Variants in MTMR12 observed in about 807,000 individuals in gnomAD.
MTMR12 encodes the protein myotubularin related protein 12.
MTMR12 carries 33 observed loss-of-function variants against 96.7 expected under a neutral mutation model. The observed-to-expected ratio is 0.34, with a 90% confidence interval of 0.26 to 0.46. The LOEUF (loss-of-function observed/expected upper bound fraction) is 0.46, where lower values mean the gene tolerates loss of function less well. MTMR12 is among the 20% of genes least tolerant of loss of function. MTMR12 has a pLI of 1.00. For missense variants in MTMR12, 721 were observed against 896.1 expected (o/e 0.80, Z 2.49); for synonymous variants, 298 against 327.2 (o/e 0.91, Z 0.96).
chr5:32,267,003 C>T (rs1749625458), intron 6 of MTMR12, among the ~76,000 whole-genome samples: 1 of 151,956 alleles, frequency 6.6e-6, no homozygotes, highest in Non-Finnish European at 1.5e-5. Context: ...TTGCTTGAAC[C>T]TGGGAGGCAG....
At chr5:32,248,960 C>T in intron 8 of MTMR12, 82 bp from the exon 9 acceptor site, 2 of 1,048,914 alleles carry the variant, frequency 1.9e-6, no homozygotes, top group South Asian at 2.6e-5. Flanking sequence ...TAAATGCATA[C>T]AGGGAAATCT....
chr5:32,244,973 C>T (rs1474246622), intron 10 of MTMR12, among the ~76,000 whole-genome samples: 2 of 152,070 alleles, frequency 1.3e-5, no homozygotes, highest in Non-Finnish European at 2.9e-5. Context: ...TTAACCATGT[C>T]ATTGCAGTCT....
intron 6 of MTMR12, among the ~76,000 whole-genome samples, chr5:32,265,891 T>C (rs1185086378): frequency 6.6e-6 from 1 of 152,214 alleles, no homozygotes; most frequent in Non-Finnish European, 1.5e-5. Context: ...CAGAGTTAAG[T>C]GTCATCCCCA....
At chr5:32,259,384 CTG>C (rs143209576) in intron 7 of MTMR12, among the ~76,000 whole-genome samples, 2,133 of 152,168 alleles carry the variant, frequency 0.014, 54 homozygotes, top group African/African-American at 0.049. Flanking sequence ...AGGAAGAGAC[CTG>C]TGGTACCAGA....
chr5:32,242,136 G>C lies in MTMR12; in HGVS notation c.1101-9C>G. On this transcript the variant is annotated splice_polypyrimidine_tract_variant and intron_variant, in intron 11 of 15. Coordinates refer to ENST00000382142, the MANE Select transcript of MTMR12 (RefSeq NM_001040446.3). ...CTTTTTTCAGGCAACGTCTGAATAG[G>C]AAAGAGACAAGAAAAAGGGGCATTA... The C allele has an allele frequency of 6.2e-7, 1 of 1,604,162 alleles. No homozygotes were observed. Among genetic ancestry groups the C allele is most frequent in the Non-Finnish European group, 8.5e-7 (1 of 1,172,452 alleles).
chr5:32,252,283 G>C (rs893955302), intron 8 of MTMR12, among the ~76,000 whole-genome samples: 1 of 152,190 alleles, frequency 6.6e-6, no homozygotes, highest in Non-Finnish European at 1.5e-5. Context: ...GAAATGTTCT[G>C]GAACAAACTG....
intron 1 of MTMR12, among the ~76,000 whole-genome samples, chr5:32,292,959 TTATCA>T (rs1750789904): frequency 1.3e-5 from 2 of 152,254 alleles, no homozygotes; most frequent in Non-Finnish European, 2.9e-5. Context: ...TCCTTTTCCT[TTATCA>T]TATAAGATTT....
intron 1 of MTMR12, among the ~76,000 whole-genome samples, chr5:32,280,919 C>T (rs999100078): frequency 1.3e-5 from 2 of 151,704 alleles, no homozygotes; most frequent in African/African-American, 2.4e-5. Flanking sequence ...TGCTTGATTT[C>T]CTTTCATGAG....
intron 11 of MTMR12, 107 bp from the exon 12 acceptor site, chr5:32,242,234 ATTTT>A: frequency 1.9e-6 from 1 of 535,040 alleles, no homozygotes; most frequent in Non-Finnish European, 3.0e-6. Context: ...CTTCTCTCTT[ATTTT>A]TTTTTTTTCC....
intron 1 of MTMR12, among the ~76,000 whole-genome samples, chr5:32,311,025 C>T (rs2052561): frequency 0.28 from 42,967 of 151,796 alleles, 6,310 homozygotes; most frequent in East Asian, 0.42. Flanking sequence ...AGGTGCGCAC[C>T]ACCATGCCTG....
chr5:32,309,951 G>T (rs936436001), intron 1 of MTMR12, among the ~76,000 whole-genome samples: 1 of 152,120 alleles, frequency 6.6e-6, no homozygotes, highest in African/African-American at 2.4e-5. Flanking sequence ...CAGTACGGAG[G>T]TTCCTCAAAA....
At chr5:32,250,766 A>G (rs142589307) in intron 8 of MTMR12, among the ~76,000 whole-genome samples, 351 of 152,308 alleles carry the variant, frequency 2.3e-3, no homozygotes, top group African/African-American at 8.2e-3. Context: ...GGCACATGTA[A>G]TAACTCCTAA....
intron 8 of MTMR12, among the ~76,000 whole-genome samples, chr5:32,250,841 CA>C (rs2112027274): frequency 6.6e-6 from 1 of 152,226 alleles, no homozygotes; most frequent in Admixed American, 6.5e-5. Flanking sequence ...CTGCGTGAAA[CA>C]GTAAATAGAA....
rs1749851258 is a variant in MTMR12 at position 32,271,912 on chromosome 5, G to T, written c.286-7C>A. 2 of 1,496,578 alleles carry T rather than the reference G, an allele frequency of 1.3e-6. No homozygotes were observed. Among genetic ancestry groups the T allele is most frequent in the Non-Finnish European group, 1.8e-6 (2 of 1,091,512 alleles). 92.7% of individuals were successfully genotyped at this position (1,496,578 alleles called of 1,614,324 possible). Reference sequence around the variant, plus strand: ...TATTCTTAAATTGAGTTTCCTAGAAGATTCAAAAGGAAACAACTGTGACTC... The same window carrying T: ...TATTCTTAAATTGAGTTTCCTAGAATATTCAAAAGGAAACAACTGTGACTC... On this transcript the variant is annotated splice_polypyrimidine_tract_variant and splice_region_variant and intron_variant, in intron 3 of 15. Coordinates refer to ENST00000382142, the MANE Select transcript of MTMR12 (RefSeq NM_001040446.3).
At chr5:32,302,768 C>T (rs767939325) in intron 1 of MTMR12, among the ~76,000 whole-genome samples, 19 of 150,216 alleles carry the variant, frequency 1.3e-4, no homozygotes, top group Non-Finnish European at 2.4e-4. Flanking sequence ...AATAAGTCCA[C>T]ACAATGAAAC....
At chr5:32,250,543 C>A (rs1002141522) in intron 8 of MTMR12, among the ~76,000 whole-genome samples, 5 of 152,198 alleles carry the variant, frequency 3.3e-5, no homozygotes, top group Non-Finnish European at 5.9e-5. Context: ...CAGCTCTCTG[C>A]CTAAGGTGGT....
At position 32,263,043 on chromosome 5, in the gene MTMR12, A is replaced by C. The variant is rs1749429939; in HGVS notation, c.713+70T>G. ...TGGTGATGACTGCACAACCCTGTGA[A>C]TATACTAAAAAACACTGTACACTTT... On this transcript the variant is annotated intron_variant, in intron 7 of 15. Coordinates refer to ENST00000382142, the MANE Select transcript of MTMR12 (RefSeq NM_001040446.3). 2.5e-6 allele frequency: 4 copies of C among 1,571,468 alleles called. No homozygotes were observed. The South Asian group carries it at 3.4e-5, about 14-fold the overall frequency.
intron 1 of MTMR12, among the ~76,000 whole-genome samples, chr5:32,304,045 G>A (rs61028139): frequency 0.015 from 2,252 of 152,104 alleles, 39 homozygotes; most frequent in East Asian, 0.071. Flanking sequence ...ACCATAGGCC[G>A]GGCGCAGTAG....
At chr5:32,240,719 G>A (rs901759537) in intron 12 of MTMR12, among the ~76,000 whole-genome samples, 17 of 152,102 alleles carry the variant, frequency 1.1e-4, no homozygotes, top group African/African-American at 4.1e-4. Context: ...TTGTGCCTCA[G>A]CCTCCCGAGT....
Sources: allele counts gnomAD v4.1 joint callset (sites outside exome capture counted in the v4.1 genomes callset), GRCh38; gene constraint gnomAD v4.1.1; transcripts MANE v1.5; gene names NCBI Gene and HGNC (gene_info 2026-07-23, HGNC 2026-07-21).